The following KLC4 variants were observed in gnomAD, a reference collection of about 807,000 sequenced individuals.
KLC4 encodes the protein kinesin-like protein 8.
In KLC4, 49 loss-of-function variants were observed where a neutral mutation model predicts 77.2. The ratio of observed to expected loss-of-function variants is 0.63; its 90% confidence interval spans 0.50 to 0.80. The LOEUF (loss-of-function observed/expected upper bound fraction) is 0.80, where lower values mean the gene tolerates loss of function less well. Ranked by LOEUF, KLC4 falls within the 30% of genes least tolerant of loss-of-function variation. The pLI is 0.00. For synonymous variants in KLC4, 274 were observed against 314.5 expected (o/e 0.87, Z 1.36); for missense variants, 669 against 793.5 (o/e 0.84, Z 1.89).
chr6:43,068,029 G>A (rs1490400050), intron 6 of KLC4, among the ~76,000 whole-genome samples: 1 of 91,922 alleles, frequency 1.1e-5, no homozygotes, highest in Non-Finnish European at 1.9e-5. Context: ...GGAGAATGGC[G>A]TGAACCCGGG....
intron 5 of KLC4, among the ~76,000 whole-genome samples, 170 bp downstream of exon 5, chr6:43,066,695 C>G (rs1765450933): frequency 6.6e-6 from 1 of 152,200 alleles, no homozygotes; most frequent in Non-Finnish European, 1.5e-5. Flanking sequence ...TTTTCCCATA[C>G]CTAAGCATTT....
At chr6:43,067,496 A>G (rs935713173) in intron 6 of KLC4, 1 of 171,244 alleles carries the variant, frequency 5.8e-6, no homozygotes, top group Non-Finnish European at 1.2e-5. Flanking sequence ...AGAAATAGCA[A>G]AGTGGCCTGG....
chr6:43,062,199 G>A (rs752208430), intron 2 of KLC4, among the ~76,000 whole-genome samples: 1 of 152,190 alleles, frequency 6.6e-6, no homozygotes, highest in Non-Finnish European at 1.5e-5. Flanking sequence ...GGGGTTGGAG[G>A]GGAGGGAGAT....
intron 6 of KLC4, among the ~76,000 whole-genome samples, chr6:43,068,662 A>G (rs945711593): frequency 1.5e-4 from 23 of 151,624 alleles, no homozygotes; most frequent in African/African-American, 5.3e-4. Context: ...AAAATATAAA[A>G]TTAGCCAGGC....
chr6:43,072,876 A>G lies in KLC4; in HGVS notation c.1541A>G (p.Asp514Gly). 1 of 1,613,526 alleles carries G rather than the reference A, an allele frequency of 6.2e-7. No individual in the cohort carries two copies. Among genetic ancestry groups the G allele is most frequent in the Non-Finnish European group, 8.5e-7 (1 of 1,179,714 alleles). The change falls in exon 13 of 16, where the codon GAT (aspartate) becomes GGT (glycine). Residue 514 changes from aspartate (D) to glycine (G), a missense_variant. By Grantham distance (94) the Asp-to-Gly change is moderately conservative. Transcript: ENST00000347162. ...TKVAELLGES[D>G]GRRTSQEGPG... ...GTGGCAGAGCTGCTTGGGGAGAGTGATGGTAGAAGGACCTCCCAGGAGGGC... is the reference window on the plus strand; with the variant it reads ...GTGGCAGAGCTGCTTGGGGAGAGTGGTGGTAGAAGGACCTCCCAGGAGGGC...
At position 43,070,641 on chromosome 6, in the gene KLC4, T is replaced by TGTAG. The variant is rs767480382; in HGVS notation, c.982-50_982-49insTAGG. 25 of 1,548,262 alleles carry TGTAG rather than the reference T, an allele frequency of 1.6e-5. No individual in the cohort carries two copies. In the East Asian group the frequency reaches 5.4e-4, roughly 34 times the overall value. On this transcript the variant is annotated intron_variant, in intron 7 of 15. Transcript: ENST00000347162. ...CTACATGCAAACACACGTGTGCTTGTGCACACACATGTTATCATAGCCATT... is the reference window on the plus strand; with the variant it reads ...CTACATGCAAACACACGTGTGCTTGTGTAGGCACACACATGTTATCATAGCCATT...
intron 6 of KLC4, 38 bp from the exon 7 acceptor site, chr6:43,070,316 A>C (rs554502556): frequency 6.7e-7 from 1 of 1,487,860 alleles, no homozygotes; most frequent in East Asian, 2.3e-5. Flanking sequence ...GGTCTTTTGC[A>C]ACCCAAATGT....
At chr6:43,069,643 C>T (rs534857987) in intron 6 of KLC4, among the ~76,000 whole-genome samples, 4 of 152,212 alleles carry the variant, frequency 2.6e-5, no homozygotes, top group South Asian at 2.1e-4. Context: ...CTCCACCTCC[C>T]GGGTTCAAGC....
chr6:43,063,246 T>G, intron 3 of KLC4, 99 bp downstream of exon 3: 6 of 848,430 alleles, frequency 7.1e-6, no homozygotes, highest in Non-Finnish European at 1.1e-5. Flanking sequence ...CCATCAGCTC[T>G]ACCCAACCTG....
chr6:43,068,272 G>A (rs1157524916), intron 6 of KLC4, among the ~76,000 whole-genome samples: 1 of 151,300 alleles, frequency 6.6e-6, no homozygotes, highest in Admixed American at 6.6e-5. Context: ...AGGAGTTCAA[G>A]ACCATCCTGG....
rs577626899 is a variant in KLC4 at position 43,067,226 on chromosome 6, G to T, written c.879+143G>T. Reference sequence around the variant, plus strand: ...GAGGCATAAGAAGTCCTTTCTTCCAGGCACTGTCCAGTGATCCTAATGATT... The same window carrying T: ...GAGGCATAAGAAGTCCTTTCTTCCATGCACTGTCCAGTGATCCTAATGATT... On this transcript the variant is annotated intron_variant, in intron 6 of 15. Coordinates refer to ENST00000347162, the MANE Select transcript of KLC4 (RefSeq NM_201521.3). The T allele has an allele frequency of 1.7e-5, 24 of 1,420,146 alleles. No individual in the cohort carries two copies. The South Asian group carries it at 3.8e-4, about 22-fold the overall frequency. 88.0% of individuals were successfully genotyped at this position (1,420,146 alleles called of 1,614,324 possible).
At chr6:43,060,243 T>A (rs776025873) in intron 1 of KLC4, 29 of 1,614,002 alleles carry the variant, frequency 1.8e-5, no homozygotes, top group Middle Eastern at 1.6e-4. Context: ...GACCAGGTGT[T>A]CCTCCCTCCC....
At chr6:43,069,192 T>C (rs1215216447) in intron 6 of KLC4, among the ~76,000 whole-genome samples, 4 of 152,078 alleles carry the variant, frequency 2.6e-5, no homozygotes, top group Admixed American at 1.3e-4. Context: ...AGGCAAATGA[T>C]AGAGTTGTCA....
chr6:43,069,601 T>C (rs1030915191), intron 6 of KLC4, among the ~76,000 whole-genome samples: 1 of 151,672 alleles, frequency 6.6e-6, no homozygotes, highest in African/African-American at 2.4e-5. Context: ...CAGGCTAGAG[T>C]GCAACATGGC....
At chr6:43,071,140 T>G in intron 8 of KLC4, 135 bp from the exon 9 acceptor site, 2 of 648,670 alleles carry the variant, frequency 3.1e-6, no homozygotes, top group Non-Finnish European at 5.3e-6. Flanking sequence ...GAAAGATCTC[T>G]GGGGAAAGTG....
intron 1 of KLC4, chr6:43,060,405 G>C (rs1765086223): frequency 1.6e-6 from 2 of 1,268,352 alleles, no homozygotes; most frequent in Non-Finnish European, 1.1e-6. Flanking sequence ...CCTGTGGGCA[G>C]AGGGAGGGAG....
In KLC4 at chr6:43,073,334, T is replaced by C; in HGVS notation, c.1741T>C (p.Ser581Pro). The C allele has an allele frequency of 3.7e-6, 6 of 1,608,970 alleles. No homozygotes were observed. Among genetic ancestry groups the C allele is most frequent in the Non-Finnish European group, 5.1e-6 (6 of 1,175,908 alleles). The change falls in exon 14 of 16, where the codon TCC (serine) becomes CCC (proline). Residue 581 changes from serine to proline, a missense_variant. Coordinates refer to ENST00000347162, the MANE Select transcript of KLC4 (RefSeq NM_201521.3). Reference sequence around the variant, plus strand: ...GCTCCAGGGGACTGAGCCTCGGCCCTCCAGGTATACATGGAAGTCAAGATA... The same window carrying C: ...GCTCCAGGGGACTGAGCCTCGGCCCCCCAGGTATACATGGAAGTCAAGATA... ...RKLQGTEPRP[S>P]SSNMKRAASL...
chr6:43,071,774 C>A, intron 10 of KLC4, 78 bp from the exon 11 acceptor site: 1 of 1,521,208 alleles, frequency 6.6e-7, no homozygotes. Flanking sequence ...AGCCCCATGC[C>A]ACCTTGCATC....
chr6:43,067,178 A>C, intron 6 of KLC4, 95 bp downstream of exon 6: 1 of 1,520,682 alleles, frequency 6.6e-7, no homozygotes, highest in Admixed American at 2.0e-5. Context: ...CCCTCAGTCC[A>C]CTCACTAAGG....
Sources: gnomAD v4.1 joint callset for allele counts (sites outside exome capture counted in the v4.1 genomes callset) on GRCh38, gnomAD v4.1.1 for gene constraint, MANE v1.5 for transcripts, NCBI Gene and HGNC (gene_info 2026-07-23, HGNC 2026-07-21) for gene names.